NARS2: variants seen among roughly 807,000 people sequenced by gnomAD.
NARS2 encodes asparaginyl-tRNA synthetase.
Under a neutral mutation model 62.9 loss-of-function variants are expected in NARS2, and 60 were observed. That is an observed-to-expected ratio of 0.95 (90% confidence interval 0.77 to 1.18). The LOEUF (loss-of-function observed/expected upper bound fraction) is 1.18, where lower values mean the gene tolerates loss of function less well. NARS2 is among the 50% of genes most tolerant of loss of function. NARS2 has a pLI of 0.00. For missense variants in NARS2, 619 were observed against 576.4 expected, an observed-to-expected ratio of 1.07 and a Z score of -0.76; for synonymous variants, 196 against 200.0, an observed-to-expected ratio of 0.98 and a Z score of 0.17.
intron 6 of NARS2, among the ~76,000 whole-genome samples, chr11:78,517,263 AG>A (rs1444237802): frequency 6.6e-6 from 1 of 152,252 alleles, no homozygotes; most frequent in East Asian, 1.9e-4. Context: ...GAAGGTTGGT[AG>A]TACCATTTCC....
chr11:78,527,390 G>A (rs149474422), intron 6 of NARS2, among the ~76,000 whole-genome samples: 2,693 of 152,024 alleles, frequency 0.018, 36 homozygotes, highest in Middle Eastern at 0.027. Context: ...GGCTTGACAC[G>A]GCCTTTCCTA....
chr11:78,528,431 T>G (rs561232736), intron 6 of NARS2, among the ~76,000 whole-genome samples: 2 of 152,336 alleles, frequency 1.3e-5, no homozygotes, highest in African/African-American at 4.8e-5. Context: ...TCTCAAAATG[T>G]AGGTATGAGT....
chr11:78,462,134 G>C (rs1565213314), intron 11 of NARS2, among the ~76,000 whole-genome samples: 1 of 152,112 alleles, frequency 6.6e-6, no homozygotes, highest in East Asian at 1.9e-4. Flanking sequence ...GTACAAAATT[G>C]AGTGACTGAA....
chr11:78,513,248 A>AAAAAT, intron 6 of NARS2, among the ~76,000 whole-genome samples: 1 of 152,232 alleles, frequency 6.6e-6, no homozygotes, highest in African/African-American at 2.4e-5. Flanking sequence ...AGACTGTCTC[A>AAAAAT]AAAATAAAAT....
chr11:78,482,119 A>G (rs2135279452), intron 7 of NARS2, among the ~76,000 whole-genome samples: 1 of 152,248 alleles, frequency 6.6e-6, no homozygotes, highest in South Asian at 2.1e-4. Context: ...GACACTTTTG[A>G]GAGTCAAAAG....
At chr11:78,474,403 A>G (rs1414611589) in intron 9 of NARS2, among the ~76,000 whole-genome samples, 1 of 152,222 alleles carries the variant, frequency 6.6e-6, no homozygotes, top group Non-Finnish European at 1.5e-5. Context: ...CTCAAGAACT[A>G]GCAAAGTGCC....
chr11:78,573,980 G>A (rs974805832), intron 1 of NARS2, among the ~76,000 whole-genome samples: 1 of 152,186 alleles, frequency 6.6e-6, no homozygotes, highest in Non-Finnish European at 1.5e-5. Flanking sequence ...TGAATACAAA[G>A]GCAGGTAAGA....
chr11:78,563,310 C>A (rs1269443580), intron 4 of NARS2, among the ~76,000 whole-genome samples: 2 of 150,784 alleles, frequency 1.3e-5, no homozygotes, highest in African/African-American at 4.9e-5. Context: ...CTCCGCCTCC[C>A]GGATTCAAGT....
chr11:78,519,884 G>A (rs1422275853), intron 6 of NARS2, among the ~76,000 whole-genome samples: 8 of 152,002 alleles, frequency 5.3e-5, no homozygotes, highest in East Asian at 1.9e-4. Context: ...TAGTAGAGAC[G>A]GGGTTTCACC....
At chr11:78,493,300 G>T in intron 6 of NARS2, 105 bp from the exon 7 acceptor site, 1 of 1,040,674 alleles carries the variant, frequency 9.6e-7, no homozygotes, top group Non-Finnish European at 1.4e-6. Context: ...GTGTGCCTCT[G>T]TCTTGTCCAC....
At position 78,493,360 on chromosome 11, in the gene NARS2, C is replaced by T. The variant is rs4474466; in HGVS notation, c.690-165G>A. ...ATATTTCTCTAATAGGTGATAATAA[C>T]AGTTTCATTAAAAATGTTACATTGA... On this transcript the variant is annotated intron_variant, in intron 6 of 13. Transcript: ENST00000281038. Among the ~76,000 whole-genome samples, 109,812 of 152,124 alleles carry T rather than the reference C, an allele frequency of 0.72. 40,442 individuals are homozygous for T. Among genetic ancestry groups the T allele is most frequent in the Non-Finnish European group, 0.81 (55,381 of 68,004 alleles).
chr11:78,471,427 C>T (rs749480857), intron 9 of NARS2, among the ~76,000 whole-genome samples: 9 of 152,046 alleles, frequency 5.9e-5, no homozygotes, highest in Non-Finnish European at 1.0e-4. Flanking sequence ...GTCACTTCAA[C>T]GTAGTGAAAG....
intron 6 of NARS2, among the ~76,000 whole-genome samples, chr11:78,519,703 G>GTT (rs200566633): frequency 3.3e-4 from 48 of 144,288 alleles, no homozygotes; most frequent in African/African-American, 7.8e-4. Context: ...TAGTTGTTGA[G>GTT]TTTTTTTTTT....
chr11:78,458,906 GTTT>G (rs897526853), intron 11 of NARS2, among the ~76,000 whole-genome samples: 1 of 146,942 alleles, frequency 6.8e-6, no homozygotes, highest in African/African-American at 2.5e-5. Context: ...CTGATGGTGG[GTTT>G]TTTTTTTGTT....
intron 1 of NARS2, chr11:78,573,165 A>T (rs577258322): frequency 1.3e-5 from 2 of 152,382 alleles, no homozygotes; most frequent in Admixed American, 6.5e-5. Context: ...TGAGGACAAC[A>T]GAAATCACTG....
intron 5 of NARS2, among the ~76,000 whole-genome samples, chr11:78,557,844 T>TTA (rs1856417903): frequency 1.3e-5 from 2 of 148,628 alleles, no homozygotes; most frequent in African/African-American, 4.9e-5. Flanking sequence ...CTCTTATATT[T>TTA]TATATATATA....
intron 6 of NARS2, among the ~76,000 whole-genome samples, chr11:78,511,425 T>C (rs1199166856): frequency 1.3e-5 from 2 of 152,066 alleles, no homozygotes; most frequent in African/African-American, 4.8e-5. Context: ...GTGTAAGAAT[T>C]TGTCAAAACA....
intron 7 of NARS2, among the ~76,000 whole-genome samples, chr11:78,483,698 C>G (rs1859452818): frequency 6.6e-6 from 1 of 152,086 alleles, no homozygotes; most frequent in Non-Finnish European, 1.5e-5. Flanking sequence ...TGAAGGACCT[C>G]TTCAAGGAGA....
intron 11 of NARS2, among the ~76,000 whole-genome samples, chr11:78,448,753 G>A (rs1285850120): frequency 1.3e-5 from 2 of 152,206 alleles, no homozygotes; most frequent in Non-Finnish European, 2.9e-5. Flanking sequence ...GGCCAGTGAT[G>A]AGGAAGATGA....
Sources: gnomAD v4.1 joint callset for allele counts (sites outside exome capture counted in the v4.1 genomes callset) on GRCh38, gnomAD v4.1.1 for gene constraint, MANE v1.5 for transcripts, NCBI Gene and HGNC (gene_info 2026-07-23, HGNC 2026-07-21) for gene names.